GUCY1A2: variants seen among roughly 807,000 people sequenced by gnomAD.
GUCY1A2 encodes guanylate cyclase soluble subunit alpha-2.
In GUCY1A2, 27 loss-of-function variants were observed where a neutral mutation model predicts 63.5. That is an observed-to-expected ratio of 0.43 (90% CI 0.31 to 0.59). The LOEUF is 0.59. Among genes scored for constraint, GUCY1A2 ranks in the 20% least tolerant of loss-of-function variants. The pLI, the probability that GUCY1A2 is intolerant of heterozygous loss-of-function variation, is 0.11. For synonymous variants in GUCY1A2, 364 were observed against 343.5 expected (o/e 1.06, Z -0.66); for missense variants, 768 against 913.3 (o/e 0.84, Z 2.05).
intron 7 of GUCY1A2, among the ~76,000 whole-genome samples, chr11:106,693,514 C>T (rs904990804): frequency 4.6e-5 from 7 of 151,958 alleles, no homozygotes; most frequent in Admixed American, 2.0e-4. Flanking sequence ...AACCTTTTGA[C>T]GTAGCAAACT....
At chr11:106,852,751 A>G (rs779223715) in intron 4 of GUCY1A2, among the ~76,000 whole-genome samples, 2 of 152,020 alleles carry the variant, frequency 1.3e-5, no homozygotes, top group Non-Finnish European at 2.9e-5. Context: ...CATCAGGAAT[A>G]TTGGCCTGTA....
At chr11:106,906,624 G>C (rs150097593) in intron 4 of GUCY1A2, among the ~76,000 whole-genome samples, 3,227 of 152,008 alleles carry the variant, frequency 0.021, 113 homozygotes, top group African/African-American at 0.071. Context: ...CTACTATAAA[G>C]ACACATGCAC....
chr11:106,906,261 C>T (rs750091997), intron 4 of GUCY1A2, among the ~76,000 whole-genome samples: 7 of 151,948 alleles, frequency 4.6e-5, no homozygotes, highest in Non-Finnish European at 7.4e-5. Context: ...AAAGCAACCC[C>T]GTCAAAAACT....
rs188782896 is a variant in GUCY1A2 at position 106,908,499 on chromosome 11, G to C, written c.1206+30961C>G. On this transcript the variant is annotated intron_variant, in intron 4 of 7. Transcript: ENST00000526355. Reference sequence around the variant, plus strand: ...ATACATAAAGCAGAAAATTGAGTGGGAGTATTGGAGTGAGAGCCGGTGACA... The same window carrying C: ...ATACATAAAGCAGAAAATTGAGTGGCAGTATTGGAGTGAGAGCCGGTGACA... 4.6e-5 allele frequency among the ~76,000 whole-genome samples: 7 copies of C among 151,946 alleles called. No homozygotes were observed. The East Asian group carries it at 1.4e-3, about 29-fold the overall frequency.
intron 4 of GUCY1A2, chr11:106,827,400 T>G (rs1858986263): frequency 1.4e-5 from 21 of 1,521,030 alleles, no homozygotes; most frequent in Non-Finnish European, 1.8e-5. Flanking sequence ...AGCCTTCAAT[T>G]TCATACACTA....
chr11:106,787,574 G>C (rs1864581417), intron 5 of GUCY1A2, among the ~76,000 whole-genome samples: 1 of 84 alleles, frequency 0.012, no homozygotes, highest in South Asian at 0.12. Flanking sequence ...GACAGAGACA[G>C]AAGGAAAGAA....
chr11:106,992,128 GT>G (rs1187108704), intron 1 of GUCY1A2, among the ~76,000 whole-genome samples: 1 of 151,982 alleles, frequency 6.6e-6, no homozygotes, highest in Non-Finnish European at 1.5e-5. Flanking sequence ...AATATTTAAT[GT>G]TTTTTATTTG....
At chr11:106,747,927 A>G (rs1863818164) in intron 6 of GUCY1A2, among the ~76,000 whole-genome samples, 1 of 152,200 alleles carries the variant, frequency 6.6e-6, no homozygotes, top group African/African-American at 2.4e-5. Flanking sequence ...CTGTTGAGAC[A>G]AGTCTTACAA....
chr11:107,008,298 A>T (rs1344588528), intron 1 of GUCY1A2, among the ~76,000 whole-genome samples: 2 of 148,094 alleles, frequency 1.4e-5, no homozygotes, highest in African/African-American at 4.9e-5. Context: ...AAAAAAAAAA[A>T]AGATAATCAT....
At chr11:106,943,594 T>C (rs1860781051) in intron 3 of GUCY1A2, among the ~76,000 whole-genome samples, 1 of 152,240 alleles carries the variant, frequency 6.6e-6, no homozygotes, top group African/African-American at 2.4e-5. Context: ...GACAAGGACC[T>C]TGCCCTATTT....
chr11:106,820,294 T>C (rs1371888193), intron 4 of GUCY1A2, among the ~76,000 whole-genome samples: 1 of 152,198 alleles, frequency 6.6e-6, no homozygotes, highest in Non-Finnish European at 1.5e-5. Context: ...ATCTAAAACC[T>C]ACCAATACTA....
chr11:106,984,021 G>A (rs1454047782), intron 2 of GUCY1A2, among the ~76,000 whole-genome samples: 3 of 152,136 alleles, frequency 2.0e-5, no homozygotes, highest in African/African-American at 7.2e-5. Context: ...ATAGAAAGTA[G>A]AAAGATGGAG....
intron 4 of GUCY1A2, among the ~76,000 whole-genome samples, chr11:106,937,908 T>C (rs1018525644): frequency 2.6e-5 from 4 of 152,180 alleles, no homozygotes; most frequent in African/African-American, 7.2e-5. Context: ...TTTCGTCATA[T>C]TGAATAAATG....
chr11:106,973,431 C>T (rs1861222461), intron 3 of GUCY1A2, among the ~76,000 whole-genome samples: 1 of 152,102 alleles, frequency 6.6e-6, no homozygotes, highest in Non-Finnish European at 1.5e-5. Flanking sequence ...AGTTTCTAAA[C>T]TGAAATGATC....
chr11:106,783,862 C>A (rs1187200186), intron 5 of GUCY1A2, among the ~76,000 whole-genome samples: 1 of 152,122 alleles, frequency 6.6e-6, no homozygotes, highest in Non-Finnish European at 1.5e-5. Flanking sequence ...GGTGGCATCC[C>A]AGAAGGGATA....
intron 7 of GUCY1A2, among the ~76,000 whole-genome samples, chr11:106,693,227 C>T (rs563497220): frequency 1.3e-5 from 2 of 152,202 alleles, no homozygotes; most frequent in African/African-American, 2.4e-5. Flanking sequence ...CTTTAGATGT[C>T]GGAAATATCT....
intron 4 of GUCY1A2, among the ~76,000 whole-genome samples, chr11:106,819,383 A>G (rs1940380): frequency 0.91 from 139,001 of 152,188 alleles, 63,561 homozygotes; most frequent in East Asian, 1. Flanking sequence ...AGCTATAAGG[A>G]AATGTTTTGT....
intron 6 of GUCY1A2, among the ~76,000 whole-genome samples, chr11:106,709,375 ATATATAT>A (rs1430207141): frequency 5.5e-5 from 5 of 91,662 alleles, no homozygotes; most frequent in Non-Finnish European, 7.8e-5. Flanking sequence ...TATATAAATT[ATATATAT>A]TATATATTAT....
In GUCY1A2 at chr11:106,687,122, G is replaced by T. The variant is rs1226991906; in HGVS notation, c.*427C>A. ...TGTATGAAATGTCTGTTCAGAAAAA[G>T]AAACTTAGAAAATATTCCTCACCCA... is the stretch of plus-strand genomic sequence containing the variant. On this transcript the variant is annotated 3_prime_UTR_variant, in exon 8 of 8. Transcript: ENST00000526355. 8.7e-6 allele frequency: 2 copies of T among 230,782 alleles called. No homozygotes were observed. The highest frequency in any genetic ancestry group is 1.4e-3 in the Middle Eastern group (1 of 740). The allele number at this position is 230,782 out of a possible 1,614,324, so 14.3% of individuals were successfully genotyped here.
Sources: allele counts gnomAD v4.1 joint callset (sites outside exome capture counted in the v4.1 genomes callset), GRCh38; gene constraint gnomAD v4.1.1; transcripts MANE v1.5; gene names NCBI Gene and HGNC (gene_info 2026-07-23, HGNC 2026-07-21).